SUGT1: variants seen among roughly 807,000 people sequenced by gnomAD.
SUGT1 encodes the protein SGT1 assembly cochaperone of MIS12 kinetochore complex.
SUGT1 carries 15 observed loss-of-function variants against 56.1 expected under a neutral mutation model. That is an observed-to-expected ratio of 0.27 (90% CI 0.18 to 0.41). SUGT1 has a LOEUF of 0.41. Ranked by LOEUF, SUGT1 falls within the 10% of genes least tolerant of loss-of-function variation. SUGT1 has a pLI of 1.00. For synonymous variants in SUGT1, 123 were observed against 128.6 expected (o/e 0.96, Z 0.30); for missense variants, 347 against 382.2 (o/e 0.91, Z 0.77).
At position 52,690,650 on chromosome 13, in the gene SUGT1, T is replaced by G. The variant is rs1036075234; in HGVS notation, c.*2815T>G. The stretch of plus-strand genomic sequence containing the variant: ...TGAACTCTGCTATCTAGTAATCTCT[T>G]TAGATATCTATACCACAAGTTTGAA... On this transcript the variant is annotated 3_prime_UTR_variant, in exon 13 of 13. Transcript: ENST00000310528. The G allele has an allele frequency of 6.6e-6, 1 of 152,176 alleles. No individual in the cohort carries two copies. Among genetic ancestry groups the G allele is most frequent in the East Asian group, 1.9e-4 (1 of 5,196 alleles). The allele number at this position is 152,176 out of a possible 1,614,324, so 9.4% of individuals were successfully genotyped here. A position where few individuals can be genotyped will look rare whatever the true frequency, so the allele number is the denominator to read the frequency against.
chr13:52,687,786 G>C lies in SUGT1; in HGVS notation c.953G>C (p.Arg318Thr). The change falls in exon 13 of 13, where the codon AGG becomes ACG. Residue 318 changes from arginine to threonine, a missense_variant. By Grantham distance (71) the Arg-to-Thr change is moderately conservative. Transcript: ENST00000310528. ...ACCAACTGGTCTGATGTAGGTAAAAGGAAAGTTGAAATCAATCCTCCTGAT... is the reference window on the plus strand; with the variant it reads ...ACCAACTGGTCTGATGTAGGTAAAACGAAAGTTGAAATCAATCCTCCTGAT... ...LSTNWSDVGK[R>T]KVEINPPDDM... 1.2e-6 allele frequency: 2 copies of C among 1,601,142 alleles called. No individual in the cohort carries two copies. Among genetic ancestry groups the C allele is most frequent in the South Asian group, 2.3e-5 (2 of 87,994 alleles).
At chr13:52,670,867 TG>T (rs1320887814) in intron 10 of SUGT1, among the ~76,000 whole-genome samples, 2 of 152,118 alleles carry the variant, frequency 1.3e-5, no homozygotes, top group Non-Finnish European at 2.9e-5. Flanking sequence ...TTTGCCCTTG[TG>T]GAAATGTTCT....
chr13:52,699,168 GA>G lies in SUGT1; in HGVS notation c.*11334del, dbSNP rs920782618. The G allele has an allele frequency of 1.3e-5, 2 of 152,186 alleles. No homozygotes were observed. The highest frequency in any genetic ancestry group is 1.3e-4 in the Admixed American group (2 of 15,276). The allele number at this position is 152,186 out of a possible 1,614,324, so 9.4% of individuals were successfully genotyped here. On this transcript the variant is annotated 3_prime_UTR_variant, in exon 13 of 13. Transcript: ENST00000310528. ...CACAGAAATTAAAAGGTAGAGGAGA[GA>G]TGCTGAATGATGCTTTTTTTCTTCT...
At chr13:52,654,596 ATTC>A (rs1457113887) in intron 2 of SUGT1, among the ~76,000 whole-genome samples, 5 of 152,310 alleles carry the variant, frequency 3.3e-5, no homozygotes, top group East Asian at 3.9e-4. Flanking sequence ...TCAGCCAGTA[ATTC>A]TTCTTACTGT....
At chr13:52,679,442 A>G (rs148607268) in intron 11 of SUGT1, among the ~76,000 whole-genome samples, 2 of 152,252 alleles carry the variant, frequency 1.3e-5, no homozygotes, top group East Asian at 3.9e-4. Flanking sequence ...TACTTTTTTG[A>G]TGGGAGAGTA....
intron 5 of SUGT1, among the ~76,000 whole-genome samples, chr13:52,660,364 A>G (rs1962385812): frequency 6.6e-6 from 1 of 152,180 alleles, no homozygotes; most frequent in Admixed American, 6.5e-5. Context: ...GGGTTGTGCT[A>G]CTGACATCTA....
rs940816933 is a variant in SUGT1, at chr13:52,692,278, A to G, written c.*4443A>G. ...TGGGATTTGAACCCAGGCCTATCAG[A>G]CTCCATTACCCATACTTCTGACAAC... On this transcript the variant is annotated 3_prime_UTR_variant, in exon 13 of 13. Transcript: ENST00000310528. The G allele has an allele frequency of 6.6e-6, 1 of 152,016 alleles. No individual in the cohort carries two copies. The highest frequency in any genetic ancestry group is 2.4e-5 in the African/African-American group (1 of 41,374). 9.4% of individuals were successfully genotyped at this position (152,016 alleles called of 1,614,324 possible).
At chr13:52,675,625 A>G (rs768724892) in intron 10 of SUGT1, among the ~76,000 whole-genome samples, 4 of 152,200 alleles carry the variant, frequency 2.6e-5, no homozygotes, top group Non-Finnish European at 5.9e-5. Flanking sequence ...GTACTGTCTC[A>G]TAGTAGGTGC....
At chr13:52,682,617 T>C (rs1963421384) in intron 12 of SUGT1, among the ~76,000 whole-genome samples, 1 of 152,252 alleles carries the variant, frequency 6.6e-6, no homozygotes, top group Non-Finnish European at 1.5e-5. Flanking sequence ...GCACCTATCT[T>C]TTCTCATTGA....
In SUGT1 at chr13:52,683,445, C is replaced by A. The variant is rs143821723; in HGVS notation, c.900+3290C>A. ...TATGATTGATTTTCAAGTATTGAGA[C>A]AGTCTTGCATGAGCCCTACTTTGTC... On this transcript the variant is annotated intron_variant, in intron 12 of 12. Transcript: ENST00000310528. Among the ~76,000 whole-genome samples the A allele has an allele frequency of 1.9e-3, 292 of 152,232 alleles. 1 individual carries two copies. Among genetic ancestry groups the A allele is most frequent in the African/African-American group, 6.5e-3 (269 of 41,528 alleles).
At chr13:52,659,142 TTG>T (rs770125880) in intron 4 of SUGT1, 35 bp from the exon 5 acceptor site, 236 of 1,486,926 alleles carry the variant, frequency 1.6e-4, no homozygotes, top group Non-Finnish European at 2.0e-4. Flanking sequence ...TCCAGATTTT[TTG>T]TGTGTCTTAA....
At chr13:52,660,538 C>T (rs897305018) in intron 5 of SUGT1, among the ~76,000 whole-genome samples, 5 of 152,162 alleles carry the variant, frequency 3.3e-5, no homozygotes, top group South Asian at 2.1e-4. Context: ...GAATGTTTGC[C>T]TTTCTGTTGT....
At chr13:52,660,986 A>AT (rs1378543658) in intron 5 of SUGT1, among the ~76,000 whole-genome samples, 2 of 151,644 alleles carry the variant, frequency 1.3e-5, no homozygotes, top group Non-Finnish European at 2.9e-5. Context: ...TTTGCATTTT[A>AT]TTTTTTGCAG....
At chr13:52,660,278 C>G (rs1962379975) in intron 5 of SUGT1, among the ~76,000 whole-genome samples, 1 of 152,092 alleles carries the variant, frequency 6.6e-6, no homozygotes, top group Non-Finnish European at 1.5e-5. Flanking sequence ...TGGTTCTTAA[C>G]TGGAAACGGT....
At position 52,687,742 on chromosome 13, in the gene SUGT1, G is replaced by A. The variant is rs1309490849; in HGVS notation, c.909G>A (p.Ser303=). ...TTTATTTTTCATTGCAGATGGAGTC[G>A]GGTGGTACAGTTTTGAGTACCAACT... ...KRAMNKSFME[S]GGTVLSTNWS... The change falls in exon 13 of 13, where the codon TCG becomes TCA. Residue 303 remains serine (S), a synonymous_variant. Transcript: ENST00000310528. 8 of 1,588,988 alleles carry A rather than the reference G, an allele frequency of 5.0e-6. No homozygotes were observed. The highest frequency in any genetic ancestry group is 2.7e-5 in the African/African-American group (2 of 73,742).
intron 10 of SUGT1, among the ~76,000 whole-genome samples, chr13:52,673,663 A>G (rs747176310): frequency 4.6e-5 from 7 of 152,226 alleles, no homozygotes; most frequent in African/African-American, 7.2e-5. Context: ...CTTTTTATAG[A>G]CAGTATGTTC....
intron 2 of SUGT1, among the ~76,000 whole-genome samples, chr13:52,653,332 A>T (rs1962004988): frequency 6.6e-6 from 1 of 151,980 alleles, no homozygotes; most frequent in Non-Finnish European, 1.5e-5. Context: ...CTCCTGAGAA[A>T]AACCTCCTCT....
At chr13:52,664,406 T>C (rs1315657573) in intron 8 of SUGT1, among the ~76,000 whole-genome samples, 3 of 152,240 alleles carry the variant, frequency 2.0e-5, no homozygotes, top group Non-Finnish European at 4.4e-5. Flanking sequence ...AACCTGCCTT[T>C]TATATTTGGA....
chr13:52,688,245 T>G lies in SUGT1; in HGVS notation c.*410T>G, dbSNP rs1166609205. 1 of 152,838 alleles carries G rather than the reference T, an allele frequency of 6.5e-6. No homozygotes were observed. The highest frequency in any genetic ancestry group is 6.5e-5 in the Admixed American group (1 of 15,286). 9.5% of individuals were successfully genotyped at this position (152,838 alleles called of 1,614,324 possible). A position where few individuals can be genotyped will look rare whatever the true frequency, so the allele number is the denominator to read the frequency against. The stretch of plus-strand genomic sequence containing the variant: ...ACCTTCAGTGTTACATTGTGTTTGC[T>G]TTTAAAAACTGCTTTTGAATGGAGT... On this transcript the variant is annotated 3_prime_UTR_variant, in exon 13 of 13. Transcript: ENST00000310528.
Sources: gnomAD v4.1 joint callset for allele counts (sites outside exome capture counted in the v4.1 genomes callset) on GRCh38, gnomAD v4.1.1 for gene constraint, MANE v1.5 for transcripts, NCBI Gene and HGNC (gene_info 2026-07-23, HGNC 2026-07-21) for gene names.